RAB27A: variants seen among roughly 807,000 people sequenced by gnomAD.
RAB27A encodes the protein RAB27A, member RAS oncogene family.
In RAB27A, 17 loss-of-function variants were observed where a neutral mutation model predicts 20.8. The observed-to-expected ratio is 0.82, with a 90% confidence interval of 0.56 to 1.23. The LOEUF is 1.23. RAB27A is among the 50% of genes most tolerant of loss of function. RAB27A has a pLI of 0.00. For synonymous variants in RAB27A, 85 were observed against 92.8 expected (o/e 0.92, Z 0.48); for missense variants, 277 against 266.7 (o/e 1.04, Z -0.27).
chr15:55,252,568 C>A (rs758962134), intron 2 of RAB27A, among the ~76,000 whole-genome samples: 13 of 152,128 alleles, frequency 8.5e-5, no homozygotes, highest in Non-Finnish European at 1.6e-4. Context: ...CACTACTGTA[C>A]TCCAGCCTGG....
At chr15:55,262,520 C>T (rs1478805742) in intron 2 of RAB27A, among the ~76,000 whole-genome samples, 1 of 132,132 alleles carries the variant, frequency 7.6e-6, no homozygotes, top group Non-Finnish European at 1.6e-5. Context: ...CCAGCCTGGG[C>T]AACAGAGTGA....
At chr15:55,300,460 A>T (rs1435699430) in intron 2 of RAB27A, among the ~76,000 whole-genome samples, 1 of 152,086 alleles carries the variant, frequency 6.6e-6, no homozygotes, top group Non-Finnish European at 1.5e-5. Context: ...TGGGCAGATC[A>T]CCTGAGGTCG....
intron 1 of RAB27A, among the ~76,000 whole-genome samples, chr15:55,281,263 C>T (rs1262936278): frequency 6.6e-6 from 1 of 152,206 alleles, no homozygotes; most frequent in East Asian, 1.9e-4. Flanking sequence ...TGAGTCTATA[C>T]TTAGCCAGTA....
intron 2 of RAB27A, among the ~76,000 whole-genome samples, chr15:55,244,796 T>C (rs999122648): frequency 3.3e-5 from 5 of 152,210 alleles, no homozygotes; most frequent in Non-Finnish European, 7.3e-5. Context: ...TTCTTTCATA[T>C]AATTTAACAT....
chr15:55,295,899 C>CT (rs762977591), intron 2 of RAB27A, among the ~76,000 whole-genome samples: 2,606 of 139,224 alleles, frequency 0.019, 68 homozygotes, highest in African/African-American at 0.056. Flanking sequence ...AGAACCAATA[C>CT]TTTTTTTTTT....
At chr15:55,254,579 T>C (rs991521350) in intron 2 of RAB27A, among the ~76,000 whole-genome samples, 1 of 152,218 alleles carries the variant, frequency 6.6e-6, no homozygotes, top group Non-Finnish European at 1.5e-5. Flanking sequence ...TCTTATAATA[T>C]ACTTATAAAC....
intron 2 of RAB27A, among the ~76,000 whole-genome samples, chr15:55,298,441 G>A (rs575487411): frequency 6.6e-6 from 1 of 152,240 alleles, no homozygotes; most frequent in African/African-American, 2.4e-5. Context: ...TTTTCAAAAG[G>A]GGAGGGAGTG....
rs1401804651 is a variant in RAB27A at position 55,209,985 on chromosome 15, T to C, written c.468-4280A>G. On this transcript the variant is annotated intron_variant, in intron 6 of 6. Coordinates refer to ENST00000336787, the MANE Select transcript of RAB27A (RefSeq NM_183235.3). ...ATGTGCGTATGTGTGTACATGTACA[T>C]ATATACGCATATATGTGTGTACATG... Among the ~76,000 whole-genome samples the C allele has an allele frequency of 1.0e-4, 14 of 134,730 alleles. 3 individuals carry two copies. The highest frequency in any genetic ancestry group is 3.3e-4 in the African/African-American group (11 of 33,824). 88.4% of individuals were successfully genotyped at this position (134,730 alleles called of 152,430 possible).
chr15:55,230,295 C>T, intron 4 of RAB27A, 106 bp downstream of exon 4: 1 of 1,105,188 alleles, frequency 9.0e-7, no homozygotes, highest in Non-Finnish European at 1.4e-6. Flanking sequence ...CATTCAAGTG[C>T]AAACCAACGA....
chr15:55,304,766 G>GT (rs1566940961), intron 2 of RAB27A, among the ~76,000 whole-genome samples: 1 of 151,842 alleles, frequency 6.6e-6, no homozygotes, highest in Non-Finnish European at 1.5e-5. Flanking sequence ...GGACACTTGG[G>GT]TTTTTTCCAC....
At chr15:55,225,370 T>C (rs1011561464) in intron 5 of RAB27A, among the ~76,000 whole-genome samples, 9 of 152,198 alleles carry the variant, frequency 5.9e-5, no homozygotes, top group African/African-American at 2.2e-4. Flanking sequence ...GTGATAATGA[T>C]ACTACTTACT....
chr15:55,314,454 T>C (rs1466436375), intron 1 of RAB27A, among the ~76,000 whole-genome samples: 3 of 152,264 alleles, frequency 2.0e-5, no homozygotes, highest in Non-Finnish European at 4.4e-5. Context: ...AGAAAGGGTA[T>C]TCAAATAGGA....
At chr15:55,209,739 T>C (rs1894829037) in intron 6 of RAB27A, among the ~76,000 whole-genome samples, 2 of 147,548 alleles carry the variant, frequency 1.4e-5, no homozygotes, top group African/African-American at 2.6e-5. Flanking sequence ...CACATATATA[T>C]ACACATATAT....
intron 2 of RAB27A, among the ~76,000 whole-genome samples, chr15:55,254,859 A>C (rs4774756): frequency 0.65 from 98,633 of 152,152 alleles, 32,804 homozygotes; most frequent in African/African-American, 0.76. Flanking sequence ...TCTGCGGCTT[A>C]TGTCTATGGA....
intron 2 of RAB27A, among the ~76,000 whole-genome samples, chr15:55,240,601 T>G (rs1037468049): frequency 2.6e-5 from 4 of 151,990 alleles, no homozygotes; most frequent in African/African-American, 9.7e-5. Context: ...CAATCTATTG[T>G]TGAGAGACAG....
At chr15:55,232,260 G>C (rs1462073343) in intron 3 of RAB27A, among the ~76,000 whole-genome samples, 3 of 152,138 alleles carry the variant, frequency 2.0e-5, no homozygotes, top group Non-Finnish European at 4.4e-5. Flanking sequence ...TTCAGTAGCT[G>C]CATACAAAGA....
At chr15:55,238,583 T>C (rs916198262) in intron 2 of RAB27A, 48 of 152,222 alleles carry the variant, frequency 3.2e-4, no homozygotes, top group African/African-American at 1.1e-3. Flanking sequence ...GGTTGGCATA[T>C]ACTGGGTACT....
intron 1 of RAB27A, among the ~76,000 whole-genome samples, chr15:55,276,440 C>T (rs1897876824): frequency 6.6e-6 from 1 of 152,064 alleles, no homozygotes. Context: ...GCATGGTGGC[C>T]ACTCCTGTAG....
intron 1 of RAB27A, among the ~76,000 whole-genome samples, chr15:55,274,112 A>G (rs1375354007): frequency 1.3e-5 from 2 of 152,214 alleles, no homozygotes; most frequent in Non-Finnish European, 2.9e-5. Flanking sequence ...AAAATTCACA[A>G]ATCTGTGGAA....
Sources: allele counts gnomAD v4.1 joint callset (sites outside exome capture counted in the v4.1 genomes callset), GRCh38; gene constraint gnomAD v4.1.1; transcripts MANE v1.5; gene names NCBI Gene and HGNC (gene_info 2026-07-23, HGNC 2026-07-21).